The following MCF2L variants were observed in gnomAD, a reference collection of about 807,000 sequenced individuals.
MCF2L encodes MCF.2 cell line derived transforming sequence like.
A neutral mutation model predicts 153.4 loss-of-function variants in MCF2L; 97 were observed. That is an observed-to-expected ratio of 0.63 (90% CI 0.54 to 0.75). MCF2L has a LOEUF of 0.75. Ranked by LOEUF, MCF2L falls within the 30% of genes least tolerant of loss-of-function variation. The pLI, the probability that MCF2L is intolerant of heterozygous loss-of-function variation, is 0.00. For missense variants in MCF2L, 1,347 were observed against 1,495.2 expected, an observed-to-expected ratio of 0.90 and a Z score of 1.64; for synonymous variants, 659 against 632.2, an observed-to-expected ratio of 1.04 and a Z score of -0.64.
At chr13:113,083,700 C>T (rs1242886276) in intron 17 of MCF2L, among the ~76,000 whole-genome samples, 2 of 152,238 alleles carry the variant, frequency 1.3e-5, no homozygotes, top group Non-Finnish European at 2.9e-5. Flanking sequence ...AAGGTCCCAT[C>T]TCTGTCTTTG....
rs1288545212 is a variant in MCF2L, at chr13:113,075,151, C to T, written c.1270C>T (p.Leu424Phe). 4 of 1,611,090 alleles carry T rather than the reference C, an allele frequency of 2.5e-6. No individual in the cohort carries two copies. The highest frequency in any genetic ancestry group is 1.1e-5 in the South Asian group (1 of 91,054). Residue 424 changes from leucine to phenylalanine, a missense_variant, in exon 11 of 30, where the codon CTC becomes TTC. Coordinates refer to ENST00000535094, the MANE Select transcript of MCF2L (RefSeq NM_001112732.3). Reference protein sequence around the residue: ...SAEIARRRGLLSKSLELHRRL... With the variant: ...SAEIARRRGLFSKSLELHRRL... ...GGAGATCGCAAGGAGGAGGGGGCTG[C>T]TCAGCAAGTCCCTGGAGCTGCACCG...
chr13:112,898,160 G>A (rs541393126), intron 1 of MCF2L, among the ~76,000 whole-genome samples: 13 of 152,290 alleles, frequency 8.5e-5, no homozygotes, highest in South Asian at 2.1e-4. Context: ...TGGCAGCGGC[G>A]GGGACCTTCC....
chr13:112,995,629 C>T (rs1006992519), intron 1 of MCF2L, among the ~76,000 whole-genome samples: 2 of 152,158 alleles, frequency 1.3e-5, no homozygotes, highest in Admixed American at 6.5e-5. Context: ...GGATGTGCCC[C>T]GTGTGGGACC....
At chr13:113,044,785 T>A (rs2086703713) in intron 3 of MCF2L, 1 of 1,612,924 alleles carries the variant, frequency 6.2e-7, no homozygotes, top group Non-Finnish European at 8.5e-7. Flanking sequence ...TTGGGAACCT[T>A]CAGAAGTCTT....
chr13:112,898,392 G>A (rs770851881), intron 1 of MCF2L, among the ~76,000 whole-genome samples: 16 of 152,146 alleles, frequency 1.1e-4, no homozygotes, highest in Admixed American at 2.6e-4. Context: ...ACCTGTGTGC[G>A]GAGGAGGCTG....
intron 1 of MCF2L, among the ~76,000 whole-genome samples, chr13:112,896,414 G>T (rs2081068272): frequency 6.6e-6 from 1 of 152,074 alleles, no homozygotes; most frequent in Admixed American, 6.5e-5. Flanking sequence ...GTTTATTTTG[G>T]AAAGGCAGCC....
chr13:112,941,306 C>CAT lies in MCF2L; in HGVS notation c.169+38946_169+38947dup, dbSNP rs970143351. ...GGTGGCACTCTGGAAGCCCATAAGC[C>CAT]ATATATATATATTTCATATTATATA... On this transcript the variant is annotated intron_variant, in intron 2 of 29. Coordinates refer to the MCF2L transcript ENST00000375608. The surrounding 1 kb of genome is among the most constrained non-coding windows in gnomAD (Gnocchi z 4.9). 5.4e-5 allele frequency among the ~76,000 whole-genome samples: 8 copies of CAT among 148,556 alleles called. No individual in the cohort carries two copies. The highest frequency in any genetic ancestry group is 1.3e-4 in the Admixed American group (2 of 14,870).
chr13:112,933,851 T>C (rs1352168161), intron 2 of MCF2L, among the ~76,000 whole-genome samples: 1 of 152,212 alleles, frequency 6.6e-6, no homozygotes, highest in East Asian at 1.9e-4. Flanking sequence ...ATACATTTCT[T>C]AACAGATGCC....
At chr13:113,076,590 T>C (rs995668171) in intron 12 of MCF2L, among the ~76,000 whole-genome samples, 4 of 152,230 alleles carry the variant, frequency 2.6e-5, no homozygotes, top group African/African-American at 9.6e-5. Flanking sequence ...TACCAAATAA[T>C]AGGCATATGA....
chr13:113,011,932 C>T (rs1594642153), intron 1 of MCF2L, among the ~76,000 whole-genome samples: 1 of 98,404 alleles, frequency 1.0e-5, no homozygotes, highest in Non-Finnish European at 2.1e-5. Context: ...GGTGGACAGG[C>T]GGTGTGGATG....
At chr13:113,038,108 T>TA (rs751927277) in intron 3 of MCF2L, among the ~76,000 whole-genome samples, 75 of 152,138 alleles carry the variant, frequency 4.9e-4, no homozygotes, top group Non-Finnish European at 8.4e-4. Context: ...TACATAGGAA[T>TA]AAAATCATAT....
chr13:112,911,067 C>G (rs371141875), intron 2 of MCF2L, among the ~76,000 whole-genome samples: 1 of 152,218 alleles, frequency 6.6e-6, no homozygotes, highest in Non-Finnish European at 1.5e-5. Flanking sequence ...GGCCGCTCCC[C>G]GGCGTCAGCT....
chr13:112,895,064 G>A (rs752353602), intron 1 of MCF2L, among the ~76,000 whole-genome samples: 7 of 152,216 alleles, frequency 4.6e-5, no homozygotes, highest in South Asian at 2.1e-4. Context: ...GGAAGGCCGT[G>A]GAGCGCGGGC....
At chr13:113,012,305 T>C (rs1594645326) in intron 1 of MCF2L, among the ~76,000 whole-genome samples, 1 of 105,602 alleles carries the variant, frequency 9.5e-6, no homozygotes, top group African/African-American at 3.4e-5. Flanking sequence ...CACTGCAGTG[T>C]GGATGGTGGA....
Position 113,064,363 on chromosome 13 carries a change from C to T in MCF2L, c.549C>T (p.Thr183=), listed in dbSNP as rs770460703. 20 of 1,612,848 alleles carry T rather than the reference C, an allele frequency of 1.2e-5. No individual in the cohort carries two copies. Among genetic ancestry groups the T allele is most frequent in the Middle Eastern group, 1.6e-4 (1 of 6,084 alleles). ...LHGYIDKSQL[T]EDLGGTLDYC... is the part of the protein sequence containing the mutation. ...GTTACATCGATAAGTCGCAGCTGACCGAGGACCTGGGTGGGACCCTGGACT... is the reference window on the plus strand; with the variant it reads ...GTTACATCGATAAGTCGCAGCTGACTGAGGACCTGGGTGGGACCCTGGACT... Residue 183 remains threonine, a synonymous_variant, in exon 6 of 30, where the codon ACC becomes ACT. Coordinates refer to ENST00000535094, the MANE Select transcript of MCF2L (RefSeq NM_001112732.3). The surrounding 1 kb of genome is among the most constrained non-coding windows in gnomAD (Gnocchi z 6.0).
At chr13:113,018,014 C>T (rs1419390622) in intron 2 of MCF2L, among the ~76,000 whole-genome samples, 3 of 152,224 alleles carry the variant, frequency 2.0e-5, no homozygotes, top group Non-Finnish European at 2.9e-5. Context: ...CTGTCTGCCG[C>T]GGAGCCATGG....
chr13:113,079,778 C>CAGAGGAGTGTTCGTATGGAGGAGA (rs2033899298), intron 15 of MCF2L, among the ~76,000 whole-genome samples: 1 of 139,616 alleles, frequency 7.2e-6, no homozygotes, highest in Non-Finnish European at 1.6e-5. Context: ...AGCAGAGGGG[C>CAGAGGAGTGTTCGTATGGAGGAGA]GTCTGCACGG....
intron 1 of MCF2L, among the ~76,000 whole-genome samples, chr13:112,995,131 G>C (rs538893692): frequency 1.3e-5 from 2 of 152,306 alleles, no homozygotes; most frequent in South Asian, 4.1e-4. Flanking sequence ...CGGCTGTTTG[G>C]TGGCACTCCG....
At chr13:113,006,213 C>T (rs1443948405) in intron 1 of MCF2L, among the ~76,000 whole-genome samples, 6 of 152,236 alleles carry the variant, frequency 3.9e-5, no homozygotes, top group African/African-American at 9.6e-5. Flanking sequence ...CTGTTGAGCC[C>T]GTGGCAGTGA....
Sources: allele counts gnomAD v4.1 joint callset (sites outside exome capture counted in the v4.1 genomes callset), GRCh38; gene constraint gnomAD v4.1.1; non-coding constraint Gnocchi (gnomAD v3.1); transcripts MANE v1.5; gene names NCBI Gene and HGNC (gene_info 2026-07-23, HGNC 2026-07-21).